Variants in TRPM1 observed in about 807,000 individuals in gnomAD.
TRPM1 encodes the protein TRPM1-203 APA Isoform, Intron 10.
TRPM1 carries 113 observed loss-of-function variants against 149.4 expected under a neutral mutation model. The observed-to-expected ratio is 0.76, with a 90% CI of 0.65 to 0.88. TRPM1 has a LOEUF of 0.88. Among genes scored for constraint, TRPM1 ranks in the 40% least tolerant of loss-of-function variants. TRPM1 has a pLI of 0.00. For synonymous variants in TRPM1, 741 were observed against 759.5 expected, an observed-to-expected ratio of 0.98 and a Z score of 0.40; for missense variants, 1,976 against 2,038.7, an observed-to-expected ratio of 0.97 and a Z score of 0.59.
chr15:31,149,613 G>A (rs1223880), intron 1 of TRPM1, among the ~76,000 whole-genome samples: 81,268 of 149,964 alleles, frequency 0.54, 24,123 homozygotes, highest in African/African-American at 0.8. Flanking sequence ...TCCGCCTCCC[G>A]GGTTCACGCC....
At position 31,060,539 on chromosome 15, in the gene TRPM1, T is replaced by G. The variant is rs760629257; in HGVS notation, c.1263+5A>C. On this transcript the variant is annotated splice_donor_5th_base_variant and intron_variant, in intron 11 of 27. Coordinates refer to ENST00000256552, the MANE Select transcript of TRPM1 (RefSeq NM_001252024.2). ...ATGATATGAATCGAAAAAAAACAGT[T>G]TCACCGGCCAGTGGGGCCCAAAGAC... 6.2e-7 allele frequency: 1 copy of G among 1,613,652 alleles called. No homozygotes were observed. The highest frequency in any genetic ancestry group is 1.1e-5 in the South Asian group (1 of 91,030).
chr15:31,062,301 A>G (rs924165767), intron 9 of TRPM1, among the ~76,000 whole-genome samples: 1 of 152,150 alleles, frequency 6.6e-6, no homozygotes, highest in Non-Finnish European at 1.5e-5. Context: ...TTTCCCCAAG[A>G]CTATCAATCT....
rs1230602467 is a variant in TRPM1 at position 31,076,799 on chromosome 15, AT to A, written c.83+105del. On this transcript the variant is annotated intron_variant, in intron 3 of 27. Transcript: ENST00000256552. ...TGTTAGTGACTCCCATGGGGAATGGATTCTGGCCACCCTTCTGGACTCCTCT... is the reference window on the plus strand; with the variant it reads ...TGTTAGTGACTCCCATGGGGAATGGATCTGGCCACCCTTCTGGACTCCTCT... 3 of 893,028 alleles carry A rather than the reference AT, an allele frequency of 3.4e-6. No homozygotes were observed. In the African/African-American group the frequency reaches 4.9e-5, roughly 15 times the overall value. The allele number at this position is 893,028 out of a possible 1,614,324, so 55.3% of individuals were successfully genotyped here. A position where few individuals can be genotyped will look rare whatever the true frequency, so the allele number is the denominator to read the frequency against.
intron 1 of TRPM1, among the ~76,000 whole-genome samples, chr15:31,123,493 T>C (rs1017272578): frequency 6.6e-6 from 1 of 152,066 alleles, no homozygotes; most frequent in African/African-American, 2.4e-5. Context: ...AGAAAACAAA[T>C]AGCCCAATTA....
intron 7 of TRPM1, 22 bp from the exon 8 acceptor site, chr15:31,063,314 C>T: frequency 1.2e-6 from 2 of 1,614,084 alleles, no homozygotes; most frequent in Non-Finnish European, 1.7e-6. Context: ...ACCACATTCG[C>T]CCATACCACC....
chr15:31,146,128 T>C (rs999169657), intron 1 of TRPM1, among the ~76,000 whole-genome samples: 2 of 152,184 alleles, frequency 1.3e-5, no homozygotes, highest in African/African-American at 4.8e-5. Flanking sequence ...AGTAGTCTCC[T>C]TGGTGCACTG....
intron 11 of TRPM1, among the ~76,000 whole-genome samples, chr15:31,059,551 A>T (rs1296079118): frequency 6.6e-6 from 1 of 152,068 alleles, no homozygotes; most frequent in African/African-American, 2.4e-5. Context: ...GACTATAGGC[A>T]TGCACTCCCA....
chr15:31,060,275 T>C lies in TRPM1; in HGVS notation c.1263+269A>G, dbSNP rs553885256. On this transcript the variant is annotated intron_variant, in intron 11 of 27. Transcript: ENST00000256552. ...CTATTTTATTTCTTCTTCTTTTTCTTTAAAAAGGTAAAAACCCACTTTCAT... is the reference window on the plus strand; with the variant it reads ...CTATTTTATTTCTTCTTCTTTTTCTCTAAAAAGGTAAAAACCCACTTTCAT... 5.5e-6 allele frequency: 3 copies of C among 542,340 alleles called. No homozygotes were observed. The African/African-American group carries it at 5.7e-5, about 10-fold the overall frequency. 33.6% of individuals were successfully genotyped at this position (542,340 alleles called of 1,614,324 possible).
chr15:31,077,459 A>T (rs966010993), intron 2 of TRPM1, among the ~76,000 whole-genome samples: 1 of 152,000 alleles, frequency 6.6e-6, no homozygotes, highest in Non-Finnish European at 1.5e-5. Flanking sequence ...GTCACCAGGG[A>T]CATCTCACAC....
chr15:31,135,811 C>T (rs928845353), intron 1 of TRPM1, among the ~76,000 whole-genome samples: 2 of 152,170 alleles, frequency 1.3e-5, no homozygotes, highest in Non-Finnish European at 2.9e-5. Flanking sequence ...GCTCCTCTTC[C>T]TCTTCCACCA....
At chr15:31,132,336 G>A (rs1023671659) in intron 1 of TRPM1, among the ~76,000 whole-genome samples, 3 of 152,156 alleles carry the variant, frequency 2.0e-5, no homozygotes, top group Non-Finnish European at 2.9e-5. Flanking sequence ...TCAAGTGCTC[G>A]GCTCCTGATT....
chr15:31,031,094 G>A lies in TRPM1; in HGVS notation c.3016C>T (p.Arg1006Cys), dbSNP rs747440205. ...TCCTCTGGATGCAGAATGGCTTGAC[G>A]GGCTACTCCGAAACTCATGAGCACG... The part of the protein sequence containing the change: ...LVVLMSFGVA[R>C]QAILHPEEKP... The change falls in exon 23 of 28, where the codon CGT becomes TGT. Residue 1006 changes from arginine (R) to cysteine (C), a missense_variant. Coordinates refer to ENST00000256552, the MANE Select transcript of TRPM1 (RefSeq NM_001252024.2). 7 of 1,614,146 alleles carry A rather than the reference G, an allele frequency of 4.3e-6. No individual in the cohort carries two copies. The highest frequency in any genetic ancestry group is 5.1e-6 in the Non-Finnish European group (6 of 1,180,012).
chr15:31,062,540 T>A (rs1334724615), intron 9 of TRPM1, 39 bp downstream of exon 9: 1 of 1,612,740 alleles, frequency 6.2e-7, no homozygotes, highest in African/African-American at 1.3e-5. Context: ...CATAATTCTC[T>A]CCACAGAGCT....
chr15:31,030,469 A>G (rs565369648), intron 23 of TRPM1, among the ~76,000 whole-genome samples: 1 of 152,376 alleles, frequency 6.6e-6, no homozygotes, highest in Non-Finnish European at 1.5e-5. Context: ...GTGCAGGATC[A>G]TAGCCCATTT....
At chr15:31,073,725 T>C (rs1366393882) in intron 3 of TRPM1, among the ~76,000 whole-genome samples, 1 of 152,098 alleles carries the variant, frequency 6.6e-6, no homozygotes, top group Non-Finnish European at 1.5e-5. Context: ...TGCTTTGGCC[T>C]GTACTTCCAT....
intron 1 of TRPM1, among the ~76,000 whole-genome samples, chr15:31,113,313 C>G (rs2035730436): frequency 6.6e-6 from 1 of 152,198 alleles, no homozygotes; most frequent in African/African-American, 2.4e-5. Context: ...AGAGTGCTGC[C>G]TCTGAGCCCC....
intron 10 of TRPM1, 111 bp from the exon 11 acceptor site, chr15:31,060,755 A>G: frequency 1.2e-6 from 1 of 841,714 alleles, no homozygotes; most frequent in Non-Finnish European, 2.0e-6. Context: ...GCCTAGAACT[A>G]AGCATTGCTG....
rs374019638 is a variant in TRPM1, at chr15:31,066,180, G to A, written c.686C>T (p.Thr229Ile). Residue 229 changes from threonine (T) to isoleucine (I), a missense_variant, in exon 7 of 28, where the codon ACC (threonine) becomes ATC (isoleucine). Coordinates refer to ENST00000256552, the MANE Select transcript of TRPM1 (RefSeq NM_001252024.2). ...SKLSVLNNSH[T>I]HFILADNGTL... ...GCCATTGTCAGCCAGGATGAAGTGG[G>A]TGTGGGAGTTGTTGAGCACAGAGAG... 8 of 1,614,086 alleles carry A rather than the reference G, an allele frequency of 5.0e-6. No individual in the cohort carries two copies. The highest frequency in any genetic ancestry group is 6.8e-6 in the Non-Finnish European group (8 of 1,180,028).
chr15:31,096,705 C>T (rs954352549), intron 1 of TRPM1, among the ~76,000 whole-genome samples: 1 of 152,230 alleles, frequency 6.6e-6, no homozygotes, highest in African/African-American at 2.4e-5. Context: ...CTGGTTCCCA[C>T]AGGTAGTACC....
Sources: allele counts gnomAD v4.1 joint callset (sites outside exome capture counted in the v4.1 genomes callset), GRCh38; gene constraint gnomAD v4.1.1; transcripts MANE v1.5; gene names NCBI Gene and HGNC (gene_info 2026-07-23, HGNC 2026-07-21).